Variants in TRIM3 observed in about 807,000 individuals in gnomAD.
The protein encoded by TRIM3 is tripartite motif-containing protein 3.
A neutral mutation model predicts 66.6 loss-of-function variants in TRIM3; 13 were observed. The ratio of observed to expected loss-of-function variants is 0.20; its 90% CI spans 0.13 to 0.31. The LOEUF is 0.31. Among genes scored for constraint, TRIM3 ranks in the 10% least tolerant of loss-of-function variants. The pLI, the probability that TRIM3 is intolerant of heterozygous loss-of-function variation, is 1.00. For missense variants in TRIM3, 711 were observed against 1,020.4 expected (o/e 0.70, Z 4.13); for synonymous variants, 406 against 411.7 (o/e 0.99, Z 0.17).
At chr11:6,460,983 G>A (rs1445610523) in intron 2 of TRIM3, among the ~76,000 whole-genome samples, 2 of 130,190 alleles carry the variant, frequency 1.5e-5, no homozygotes, top group African/African-American at 6.0e-5. Flanking sequence ...TTGGCTCACT[G>A]CAACCTCCAC....
In TRIM3 at chr11:6,450,976, A is replaced by C. The variant is rs1384498798; in HGVS notation, c.1786T>G (p.Ser596Ala). 2 of 1,614,184 alleles carry C rather than the reference A, an allele frequency of 1.2e-6. No homozygotes were observed. The highest frequency in any genetic ancestry group is 1.7e-6 in the Non-Finnish European group (2 of 1,180,020). Residue 596 changes from serine (S) to alanine (A), a missense_variant, in exon 9 of 12, where the codon TCT becomes GCT. Coordinates refer to ENST00000345851, the MANE Select transcript of TRIM3 (RefSeq NM_033278.4). The surrounding 1 kb of genome is among the most constrained non-coding windows in gnomAD (Gnocchi z 4.8). ...GGCTGGAAGGTAAAGACGCAGCAAGACTTGTTGTCGACCACAATGATATGT... is the reference window on the plus strand; with the variant it reads ...GGCTGGAAGGTAAAGACGCAGCAAGCCTTGTTGTCGACCACAATGATATGT... The part of the protein sequence containing the change: ...NGHIIVVDNK[S>A]CCVFTFQPNG...
Position 6,450,877 on chromosome 11 carries a change from G to A in TRIM3, c.1870+15C>T. 1 of 1,613,998 alleles carries A rather than the reference G, an allele frequency of 6.2e-7. No homozygotes were observed. The highest frequency in any genetic ancestry group is 1.1e-5 in the South Asian group (1 of 91,080). ...CAGGGGTATCAGCATAGATCTTGGA[G>A]CTGTCCCCCTATACCTGCAAAGTGG... On this transcript the variant is annotated intron_variant, in intron 9 of 11. Coordinates refer to ENST00000345851, the MANE Select transcript of TRIM3 (RefSeq NM_033278.4). The surrounding 1 kb of genome is among the most constrained non-coding windows in gnomAD (Gnocchi z 4.8).
rs1423050783 is a variant in TRIM3 at position 6,472,845 on chromosome 11, C to T, written c.-38+946G>A. 2.0e-5 allele frequency among the ~76,000 whole-genome samples: 3 copies of T among 152,204 alleles called. No individual in the cohort carries two copies. The East Asian group carries it at 5.8e-4, about 29-fold the overall frequency. ...GGCATACAAGCCCAAGGAGGCAGGG[C>T]TACTGTCAGGCCTGCAGCTCTGATT... On this transcript the variant is annotated intron_variant, in intron 1 of 11. Transcript: ENST00000345851.
chr11:6,456,291 CTG>C lies in TRIM3; in HGVS notation c.1429+4_1429+5del. The C allele has an allele frequency of 1.3e-6, 2 of 1,569,866 alleles. No individual in the cohort carries two copies. The highest frequency in any genetic ancestry group is 1.7e-6 in the Non-Finnish European group (2 of 1,155,156). The stretch of plus-strand genomic sequence containing the variant: ...CCCATCTGGCTCTGCCCTCGGCTGT[CTG>C]TACCAACACGGAAGACGAGCTCATC... On this transcript the variant is annotated splice_donor_5th_base_variant and intron_variant, in intron 6 of 11. Coordinates refer to ENST00000345851, the MANE Select transcript of TRIM3 (RefSeq NM_033278.4). This position sits in a 1 kb window ranked among gnomAD's most constrained non-coding sequence, Gnocchi z 6.4.
Position 6,457,768 on chromosome 11 carries a change from G to A in TRIM3, c.443C>T (p.Thr148Ile). ...CRAGEHREHG[T>I]VLLRDVVEQH... ...CTCCACCACATCCCTCAGCAGCACT[G>A]TGCCATGCTCACGATGCTCCCCGGC... The change falls in exon 4 of 12, where the codon ACA becomes ATA. Residue 148 changes from threonine (T) to isoleucine (I), a missense_variant. Physicochemically the swap from Thr to Ile is moderately conservative, Grantham distance 89. Around this residue, in one of 3 missense-constraint regions of TRIM3, gnomAD observed 149 missense variants for 240.3 expected, o/e 0.62. Transcript: ENST00000345851. This position sits in a 1 kb window ranked among gnomAD's most constrained non-coding sequence, Gnocchi z 4.5. 3.1e-6 allele frequency: 5 copies of A among 1,614,130 alleles called. No homozygotes were observed. The highest frequency in any genetic ancestry group is 2.2e-5 in the East Asian group (1 of 44,880).
rs957836544 is a variant in TRIM3, at chr11:6,458,003, C to A, written c.363+62G>T. On this transcript the variant is annotated intron_variant, in intron 3 of 11. Transcript: ENST00000345851. This position sits in a 1 kb window ranked among gnomAD's most constrained non-coding sequence, Gnocchi z 6.2. ...TGTCACCCAGCCACTCGGCACCCCC[C>A]AATGCCTCTCCTCCTCCTCCCACCC... The A allele has an allele frequency of 5.8e-6, 9 of 1,548,652 alleles. No homozygotes were observed. Among genetic ancestry groups the A allele is most frequent in the African/African-American group, 4.1e-5 (3 of 74,048 alleles).
At chr11:6,469,304 T>C (rs768327330) in intron 1 of TRIM3, among the ~76,000 whole-genome samples, 20 of 152,258 alleles carry the variant, frequency 1.3e-4, no homozygotes, top group Non-Finnish European at 2.4e-4. Context: ...CAAGGACCAA[T>C]AGCTCCTCCC....
chr11:6,472,032 G>A (rs890317036), intron 1 of TRIM3, among the ~76,000 whole-genome samples: 25 of 152,134 alleles, frequency 1.6e-4, no homozygotes, highest in African/African-American at 5.8e-4. Flanking sequence ...CCACACAAGC[G>A]AGAACCCTGG....
In TRIM3 at chr11:6,458,137, G is replaced by A. The variant is rs1850077865; in HGVS notation, c.291C>T (p.His97=). ...TGAGGGGGTGGGGGTCCTCCGGGTC[G>A]TGGGCCCCATCAGGTGCCTGCTGCA... ...EAMQQAPDGA[H]DPEDPHPLSV... is the part of the protein sequence containing the mutation. Residue 97 remains histidine (H), a synonymous_variant, in exon 3 of 12, where the codon CAC becomes CAT. Coordinates refer to ENST00000345851, the MANE Select transcript of TRIM3 (RefSeq NM_033278.4). The surrounding 1 kb of genome is among the most constrained non-coding windows in gnomAD (Gnocchi z 6.2). The A allele has an allele frequency of 2.1e-5, 34 of 1,613,950 alleles. No homozygotes were observed. Among genetic ancestry groups the A allele is most frequent in the Non-Finnish European group, 2.6e-5 (31 of 1,180,028 alleles).
chr11:6,449,318 G>A lies in TRIM3; in HGVS notation c.2070C>T (p.Asn690=), dbSNP rs1849622092. Residue 690 remains asparagine, a synonymous_variant, in exon 11 of 12, where the codon AAC becomes AAT. Transcript: ENST00000345851. This position sits in a 1 kb window ranked among gnomAD's most constrained non-coding sequence, Gnocchi z 5.3. ...AGGCCTTACTCACCTGGATGCGGCT[G>A]TTGCCCCAGTCAGCCACAATGATGT... The part of the protein sequence containing the change: ...NGNIIVADWG[N]SRIQVFDSSG... 1 of 1,613,942 alleles carries A rather than the reference G, an allele frequency of 6.2e-7. No homozygotes were observed. The highest frequency in any genetic ancestry group is 1.1e-5 in the South Asian group (1 of 91,070).
chr11:6,462,598 T>A (rs1328625189), intron 2 of TRIM3, among the ~76,000 whole-genome samples: 4 of 151,868 alleles, frequency 2.6e-5, no homozygotes, highest in Non-Finnish European at 5.9e-5. Context: ...TTTTAGAGAC[T>A]GCATCTCACT....
chr11:6,461,254 A>C (rs1348414577), intron 2 of TRIM3, among the ~76,000 whole-genome samples: 1 of 152,000 alleles, frequency 6.6e-6, no homozygotes. Flanking sequence ...TCTCAAGTAG[A>C]GTGGTTTCTG....
rs975340288 is a variant in TRIM3 at position 6,449,827 on chromosome 11, A to G, written c.1942-381T>C. 1 of 190,274 alleles carries G rather than the reference A, an allele frequency of 5.3e-6. No individual in the cohort carries two copies. Among genetic ancestry groups the G allele is most frequent in the African/African-American group, 2.3e-5 (1 of 42,580 alleles). The allele number at this position is 190,274 out of a possible 1,614,324, so 11.8% of individuals were successfully genotyped here. The stretch of plus-strand genomic sequence containing the variant: ...CCTCTCTCAAGTCTATACCCTATGC[A>G]TACACTGTCTCGTCTTTCTCACGGT... On this transcript the variant is annotated intron_variant, in intron 10 of 11. Transcript: ENST00000345851. The surrounding 1 kb of genome is among the most constrained non-coding windows in gnomAD (Gnocchi z 5.3).
At chr11:6,453,896 C>T (rs555731520) in intron 7 of TRIM3, among the ~76,000 whole-genome samples, 1 of 152,284 alleles carries the variant, frequency 6.6e-6, no homozygotes, top group African/African-American at 2.4e-5. Context: ...GAGCCCAGCC[C>T]ATGCCAGCCC....
intron 1 of TRIM3, among the ~76,000 whole-genome samples, chr11:6,469,974 A>G (rs958184320): frequency 1.3e-5 from 2 of 152,196 alleles, no homozygotes; most frequent in Non-Finnish European, 2.9e-5. Context: ...AGGGCTAAGA[A>G]ACAAGATGGA....
At position 6,448,979 on chromosome 11, in the gene TRIM3, A is replaced by G. The variant is rs745870273; in HGVS notation, c.*49T>C. 145 of 1,603,392 alleles carry G rather than the reference A, an allele frequency of 9.0e-5. 1 individual carries two copies. The highest frequency in any genetic ancestry group is 1.2e-4 in the Non-Finnish European group (136 of 1,171,338). On this transcript the variant is annotated 3_prime_UTR_variant, in exon 12 of 12. Transcript: ENST00000345851. ...CCTCCCAGCCAGACCCTCTTGTCCA[A>G]TCACCCCAATGTCTGTCCCTCCACA... is the stretch of plus-strand genomic sequence containing the variant.
chr11:6,456,161 C>G lies in TRIM3; in HGVS notation c.1444G>C (p.Glu482Gln). ...TGTAAATTGGTGAATTCACCTTTCT[C>G]CCTTCCACGACTGCCTGTGGGAAGG... ...LVFRVGSRGR[E>Q]KGEFTNLQGV... The change falls in exon 7 of 12, where the codon GAG (glutamate) becomes CAG (glutamine). Residue 482 changes from glutamate (E) to glutamine (Q), a missense_variant. This residue lies in a region of TRIM3 where 399 missense variants were observed against 458.1 expected (regional missense o/e 0.87). Coordinates refer to ENST00000345851, the MANE Select transcript of TRIM3 (RefSeq NM_033278.4). The surrounding 1 kb of genome is among the most constrained non-coding windows in gnomAD (Gnocchi z 6.4). 6.2e-7 allele frequency: 1 copy of G among 1,614,144 alleles called. No homozygotes were observed.
chr11:6,461,874 A>G (rs960995374), intron 2 of TRIM3, among the ~76,000 whole-genome samples: 1 of 151,804 alleles, frequency 6.6e-6, no homozygotes, highest in African/African-American at 2.4e-5. Context: ...ATTTTTAAAA[A>G]CTCCAATGGT....
At position 6,459,661 on chromosome 11, in the gene TRIM3, T is replaced by C. The variant is rs574692997; in HGVS notation, c.132-1365A>G. 1.5e-4 allele frequency among the ~76,000 whole-genome samples: 23 copies of C among 152,280 alleles called. No homozygotes were observed. The South Asian group carries it at 4.1e-3, about 27-fold the overall frequency. On this transcript the variant is annotated intron_variant, in intron 2 of 11. Coordinates refer to ENST00000345851, the MANE Select transcript of TRIM3 (RefSeq NM_033278.4). The stretch of plus-strand genomic sequence containing the variant: ...GTGAAGAAGACCTGGATTTAGGCAA[T>C]AGTAATGTAGACTATGAGGTGGAAA...
Sources: gnomAD v4.1 joint callset for allele counts (sites outside exome capture counted in the v4.1 genomes callset) on GRCh38, gnomAD v4.1.1 for gene constraint, gnomAD v4.1.1 regional missense constraint, Gnocchi (gnomAD v3.1) non-coding constraint, MANE v1.5 for transcripts, NCBI Gene and HGNC (gene_info 2026-07-23, HGNC 2026-07-21) for gene names.